Variants in ZNF407 observed in about 807,000 individuals in gnomAD.
ZNF407 encodes zinc finger protein 407.
ZNF407 carries 17 observed loss-of-function variants against 131.2 expected under a neutral mutation model. The observed-to-expected ratio is 0.13, with a 90% CI of 0.09 to 0.19. The LOEUF (loss-of-function observed/expected upper bound fraction) is 0.19. Among genes scored for constraint, ZNF407 ranks in the 10% least tolerant of loss-of-function variants. The probability of loss-of-function intolerance (pLI) is 1.00; values close to 1 mark genes in which losing one functional copy is unlikely to be tolerated. For synonymous variants in ZNF407, 1,156 were observed against 1,062.0 expected, an observed-to-expected ratio of 1.09 and a Z score of -1.72; for missense variants, 2,681 against 2,830.6, an observed-to-expected ratio of 0.95 and a Z score of 1.20.
At chr18:74,782,675 A>T (rs1599149611) in intron 4 of ZNF407, among the ~76,000 whole-genome samples, 1 of 151,962 alleles carries the variant, frequency 6.6e-6, no homozygotes, top group East Asian at 1.9e-4. Flanking sequence ...GCTGGAGTGC[A>T]GTGGCATATG....
chr18:74,889,829 A>G, intron 6 of ZNF407, 89 bp from the exon 7 acceptor site: 1 of 1,200,608 alleles, frequency 8.3e-7, no homozygotes, highest in South Asian at 1.5e-5. Context: ...CATGGAAATA[A>G]ATGTTTTTTA....
intron 4 of ZNF407, among the ~76,000 whole-genome samples, chr18:74,807,548 A>G (rs1970129833): frequency 6.6e-6 from 1 of 152,194 alleles, no homozygotes; most frequent in Non-Finnish European, 1.5e-5. Flanking sequence ...GCAACTGAGT[A>G]TTTTCATCCT....
intron 8 of ZNF407, among the ~76,000 whole-genome samples, chr18:74,971,529 G>A (rs367582775): frequency 2.0e-5 from 3 of 152,200 alleles, no homozygotes; most frequent in African/African-American, 7.2e-5. Flanking sequence ...GGGGCAAAAT[G>A]CCAGGAGTCT....
intron 3 of ZNF407, among the ~76,000 whole-genome samples, chr18:74,665,666 T>G (rs1328111316): frequency 6.6e-6 from 1 of 152,192 alleles, no homozygotes; most frequent in Non-Finnish European, 1.5e-5. Context: ...TGTTGTGATA[T>G]ATGATGCATA....
At chr18:74,965,551 A>C (rs1972400023) in intron 8 of ZNF407, among the ~76,000 whole-genome samples, 1 of 152,002 alleles carries the variant, frequency 6.6e-6, no homozygotes, top group African/African-American at 2.4e-5. Context: ...TTCTTTATTC[A>C]TTTGTCATCT....
intron 8 of ZNF407, among the ~76,000 whole-genome samples, chr18:75,050,414 T>A (rs1973486624): frequency 6.6e-6 from 1 of 152,204 alleles, no homozygotes; most frequent in South Asian, 2.1e-4. Flanking sequence ...TCTGCCACAG[T>A]TTATGGATAC....
chr18:74,989,953 T>A (rs1310070742), intron 8 of ZNF407, among the ~76,000 whole-genome samples: 2 of 152,246 alleles, frequency 1.3e-5, no homozygotes, highest in Non-Finnish European at 2.9e-5. Flanking sequence ...GTTAAATCCA[T>A]GAATTATGAA....
chr18:74,772,536 C>A (rs2145004141), intron 3 of ZNF407, among the ~76,000 whole-genome samples: 1 of 152,278 alleles, frequency 6.6e-6, no homozygotes, highest in South Asian at 2.1e-4. Context: ...TAATATTATA[C>A]CATGATTGTG....
chr18:74,838,399 T>A (rs1175414411), intron 4 of ZNF407, among the ~76,000 whole-genome samples: 1 of 152,212 alleles, frequency 6.6e-6, no homozygotes, highest in Admixed American at 6.5e-5. Context: ...TGATACTTGA[T>A]GTCGGTGCCT....
chr18:74,779,109 A>ATATATGTTTTT (rs397943457), intron 3 of ZNF407, among the ~76,000 whole-genome samples: 1 of 24,372 alleles, frequency 4.1e-5, no homozygotes, highest in Non-Finnish European at 7.2e-5. Flanking sequence ...ATATATATAT[A>ATATATGTTTTT]TTTTTTTTTT....
At chr18:74,755,555 T>TCCCTCC (rs1555684012) in intron 3 of ZNF407, among the ~76,000 whole-genome samples, 1 of 9,324 alleles carries the variant, frequency 1.1e-4, no homozygotes. Flanking sequence ...CTCCCTTCCT[T>TCCCTCC]CTTCCTTCCT....
At chr18:74,721,941 T>A (rs988623880) in intron 3 of ZNF407, among the ~76,000 whole-genome samples, 3 of 152,186 alleles carry the variant, frequency 2.0e-5, no homozygotes, top group Admixed American at 6.5e-5. Flanking sequence ...GACTTCTACC[T>A]TCCATTGTTT....
chr18:74,941,060 A>G (rs1972092749), intron 8 of ZNF407, among the ~76,000 whole-genome samples: 1 of 147,078 alleles, frequency 6.8e-6, no homozygotes, highest in Admixed American at 6.8e-5. Flanking sequence ...AGTGAATCCC[A>G]GTGGCGGAAC....
At chr18:74,758,475 T>C (rs1217795253) in intron 3 of ZNF407, among the ~76,000 whole-genome samples, 1 of 152,214 alleles carries the variant, frequency 6.6e-6, no homozygotes, top group Non-Finnish European at 1.5e-5. Flanking sequence ...CCTGTTACTG[T>C]CATATAAAAT....
chr18:74,814,147 T>G (rs1296760665), intron 4 of ZNF407, among the ~76,000 whole-genome samples: 1 of 152,174 alleles, frequency 6.6e-6, no homozygotes, highest in African/African-American at 2.4e-5. Context: ...TTTGTTTTTG[T>G]TTTTAAGATA....
chr18:74,750,242 A>T (rs1356255832), intron 3 of ZNF407, among the ~76,000 whole-genome samples: 1 of 152,092 alleles, frequency 6.6e-6, no homozygotes, highest in East Asian at 1.9e-4. Flanking sequence ...ATCTTGTGGT[A>T]TTTTTTGCCT....
In ZNF407 at chr18:74,960,203, TAGG is replaced by T. The variant is rs1276609995; in HGVS notation, c.5428+39514_5428+39516del. Among the ~76,000 whole-genome samples, 3 of 152,026 alleles carry T rather than the reference TAGG, an allele frequency of 2.0e-5. No homozygotes were observed. The East Asian group carries it at 5.8e-4, about 29-fold the overall frequency. ...AAATGTAGAGGACTGGGTGGAGGGATAGGAGAAGGTCCTGAGTGTGGACTGGGT... is the reference window on the plus strand; with the variant it reads ...AAATGTAGAGGACTGGGTGGAGGGATAGAAGGTCCTGAGTGTGGACTGGGT... On this transcript the variant is annotated intron_variant, in intron 8 of 8. Coordinates refer to ENST00000299687, the MANE Select transcript of ZNF407 (RefSeq NM_017757.3).
chr18:74,920,931 G>A (rs1462317561), intron 8 of ZNF407: 106 of 1,193,830 alleles, frequency 8.9e-5, no homozygotes, highest in Non-Finnish European at 1.1e-4. Context: ...TTTGATGACT[G>A]TAAAGTTAAT....
chr18:74,804,150 TC>T (rs1970070994), intron 4 of ZNF407: 1 of 1,483,748 alleles, frequency 6.7e-7, no homozygotes, highest in Non-Finnish European at 9.0e-7. Flanking sequence ...TTTTTTTTTT[TC>T]CTTTTATCTG....
Sources: gnomAD v4.1 joint callset for allele counts (sites outside exome capture counted in the v4.1 genomes callset) on GRCh38, gnomAD v4.1.1 for gene constraint, MANE v1.5 for transcripts, NCBI Gene and HGNC (gene_info 2026-07-23, HGNC 2026-07-21) for gene names.